DNAJC18: variants seen among roughly 807,000 people sequenced by gnomAD.
DNAJC18 encodes the protein DnaJ heat shock protein family (Hsp40) member C18.
DNAJC18 carries 40 observed loss-of-function variants against 48.6 expected under a neutral mutation model. That is an observed-to-expected ratio of 0.82 (90% CI 0.64 to 1.07). The LOEUF (loss-of-function observed/expected upper bound fraction) is 1.07, where lower values mean the gene tolerates loss of function less well. Ranked by LOEUF, DNAJC18 falls within the 50% of genes least tolerant of loss-of-function variation. The pLI is 0.00. For synonymous variants in DNAJC18, 135 were observed against 152.2 expected (o/e 0.89, Z 0.83); for missense variants, 340 against 427.7 (o/e 0.79, Z 1.81).
At chr5:139,427,596 A>G (rs1759263572) in intron 3 of DNAJC18, among the ~76,000 whole-genome samples, 1 of 152,216 alleles carries the variant, frequency 6.6e-6, no homozygotes, top group Non-Finnish European at 1.5e-5. Flanking sequence ...TAGGCCACAG[A>G]TATTACGTCA....
At chr5:139,434,779 G>C (rs565066437) in intron 2 of DNAJC18, among the ~76,000 whole-genome samples, 22 of 151,444 alleles carry the variant, frequency 1.5e-4, no homozygotes, top group Middle Eastern at 3.4e-3. Context: ...TATTCATTAG[G>C]ATTTTCCATT....
At chr5:139,431,665 A>T (rs566626167) in intron 2 of DNAJC18, among the ~76,000 whole-genome samples, 1 of 152,328 alleles carries the variant, frequency 6.6e-6, no homozygotes, top group African/African-American at 2.4e-5. Flanking sequence ...ATGGACATTC[A>T]TGTACAAGTT....
rs1758998159 is a variant in DNAJC18, at chr5:139,411,696, TAA to T, written c.*2450_*2451del. On this transcript the variant is annotated 3_prime_UTR_variant, in exon 8 of 8. Transcript: ENST00000302060. Reference sequence around the variant, plus strand: ...AAATAAAACAGTACCATCGGTGCTATAAAAACAGACAATCAGCGTGACATTTA... The same window carrying T: ...AAATAAAACAGTACCATCGGTGCTATAAACAGACAATCAGCGTGACATTTA... The T allele has an allele frequency of 6.6e-6, 1 of 152,190 alleles. No homozygotes were observed. The highest frequency in any genetic ancestry group is 2.4e-5 in the African/African-American group (1 of 41,436). 9.4% of individuals were successfully genotyped at this position (152,190 alleles called of 1,614,324 possible).
chr5:139,419,326 C>T (rs1224938188), intron 7 of DNAJC18, among the ~76,000 whole-genome samples: 1 of 152,256 alleles, frequency 6.6e-6, no homozygotes, highest in African/African-American at 2.4e-5. Context: ...CCTAGTAACA[C>T]TTGCTGGAGC....
At chr5:139,420,970 A>T (rs1759143089) in intron 6 of DNAJC18, among the ~76,000 whole-genome samples, 1 of 152,160 alleles carries the variant, frequency 6.6e-6, no homozygotes, top group Non-Finnish European at 1.5e-5. Flanking sequence ...CTCTCCTTTG[A>T]TCCTCTCTAA....
chr5:139,430,329 TA>T (rs1269727412), intron 2 of DNAJC18, among the ~76,000 whole-genome samples: 1 of 152,360 alleles, frequency 6.6e-6, no homozygotes, highest in East Asian at 1.9e-4. Flanking sequence ...CTTGCAGACC[TA>T]TCCCCTAAAA....
chr5:139,422,857 CTTTT>C, intron 5 of DNAJC18, 40 bp from the exon 6 acceptor site: 1 of 1,164,314 alleles, frequency 8.6e-7, no homozygotes, highest in South Asian at 1.5e-5. Flanking sequence ...TGTAAGTGTT[CTTTT>C]TTTTTTTTCT....
At chr5:139,428,720 C>G (rs1395155078) in intron 2 of DNAJC18, 37 bp from the exon 3 acceptor site, 1 of 1,573,524 alleles carries the variant, frequency 6.4e-7, no homozygotes, top group African/African-American at 1.4e-5. Context: ...CTATAAAGGT[C>G]CCTTTTGTAC....
rs746377747 is a variant in DNAJC18, at chr5:139,437,381, C to CCAAG, written c.214_217dup (p.Gly73AlafsTer14). On this transcript the variant is annotated frameshift_variant, in exon 2 of 8. Transcript: ENST00000302060. LOFTEE classifies it high-confidence loss of function. Reference sequence around the variant, plus strand: ...CTCACCACATGCTCACCTTTGTACCCCAAGCAGCTGTTCCTCACTATACGT... The same window carrying CCAAG: ...CTCACCACATGCTCACCTTTGTACCCCAAGCAAGCAGCTGTTCCTCACTATACGT... 4 of 1,609,212 alleles carry CCAAG rather than the reference C, an allele frequency of 2.5e-6. No homozygotes were observed. The African/African-American group carries it at 5.4e-5, about 22-fold the overall frequency.
chr5:139,424,218 A>G (rs1458240204), intron 5 of DNAJC18, among the ~76,000 whole-genome samples: 1 of 152,142 alleles, frequency 6.6e-6, no homozygotes, highest in African/African-American at 2.4e-5. Context: ...AAACAGAGGC[A>G]AAGAGTGGCA....
Position 139,437,465 on chromosome 5 carries a change from T to C in DNAJC18, c.134A>G (p.Gln45Arg), listed in dbSNP as rs1390041162. 1.2e-6 allele frequency: 2 copies of C among 1,614,204 alleles called. No homozygotes were observed. Among genetic ancestry groups the C allele is most frequent in the Non-Finnish European group, 8.5e-7 (1 of 1,180,046 alleles). The change falls in exon 2 of 8, where the codon CAA (glutamine) becomes CGA (arginine). Residue 45 changes from glutamine to arginine, a missense_variant. Transcript: ENST00000302060. The part of the protein sequence containing the change: ...PCGCCNCMKA[Q>R]KEKKSENEWT... ...CTCATTCTCAGACTTCTTTTCCTTT[T>C]GTGCCTTCATGCAGTTACAGCAGCC...
intron 2 of DNAJC18, among the ~76,000 whole-genome samples, chr5:139,433,685 C>T (rs928615915): frequency 3.0e-4 from 45 of 152,128 alleles, no homozygotes; most frequent in African/African-American, 1.0e-3. Context: ...TGTATGTTTA[C>T]ATTTTTCTCA....
At chr5:139,426,070 TC>T in intron 4 of DNAJC18, 101 bp downstream of exon 4, 1 of 1,280,212 alleles carries the variant, frequency 7.8e-7, no homozygotes, top group South Asian at 1.5e-5. Flanking sequence ...CCTTGCTGTT[TC>T]CATCATACCA....
At chr5:139,427,901 T>C (rs1759267493) in intron 3 of DNAJC18, among the ~76,000 whole-genome samples, 1 of 152,196 alleles carries the variant, frequency 6.6e-6, no homozygotes. Context: ...GAATACCCCA[T>C]AGGCGACAAC....
At chr5:139,428,718 G>A (rs979109485) in intron 2 of DNAJC18, 35 bp from the exon 3 acceptor site, 2 of 1,587,184 alleles carry the variant, frequency 1.3e-6, no homozygotes, top group Non-Finnish European at 1.7e-6. Flanking sequence ...GTCTATAAAG[G>A]TCCCTTTTGT....
At chr5:139,418,597 C>T in intron 7 of DNAJC18, 2 of 323,412 alleles carry the variant, frequency 6.2e-6, no homozygotes, top group South Asian at 2.5e-5. Flanking sequence ...GTTTAATTTC[C>T]TCTTATATCC....
intron 2 of DNAJC18, among the ~76,000 whole-genome samples, chr5:139,436,949 A>G (rs1455773427): frequency 4.6e-5 from 7 of 152,146 alleles, no homozygotes; most frequent in Non-Finnish European, 4.4e-5. Context: ...TAATTTCCAC[A>G]TATTTGTGAA....
At chr5:139,427,914 C>T (rs1759267759) in intron 3 of DNAJC18, among the ~76,000 whole-genome samples, 1 of 152,160 alleles carries the variant, frequency 6.6e-6, no homozygotes, top group African/African-American at 2.4e-5. Flanking sequence ...GCGACAACTA[C>T]CTAGCACTCA....
rs1298418283 is a variant in DNAJC18, at chr5:139,434,419, G to T, written c.227+2953C>A. On this transcript the variant is annotated intron_variant, in intron 2 of 7. Transcript: ENST00000302060. ...GCTCACCTCAGCCTCGAACTCCTGG[G>T]CTCAAGGGATCCACCTACCTCAGCC... 3.3e-5 allele frequency among the ~76,000 whole-genome samples: 5 copies of T among 152,216 alleles called. No individual in the cohort carries two copies. In the East Asian group the frequency reaches 9.6e-4, roughly 29 times the overall value.
Sources: gnomAD v4.1 joint callset for allele counts (sites outside exome capture counted in the v4.1 genomes callset) on GRCh38, gnomAD v4.1.1 for gene constraint, MANE v1.5 for transcripts, NCBI Gene and HGNC (gene_info 2026-07-23, HGNC 2026-07-21) for gene names.